CNGB3: variants seen among roughly 807,000 people sequenced by gnomAD.
CNGB3 encodes the protein cyclic nucleotide-gated channel beta-3.
Under a neutral mutation model 92.8 loss-of-function variants are expected in CNGB3, and 86 were observed. The observed-to-expected ratio is 0.93, with a 90% CI of 0.78 to 1.11. CNGB3 has a LOEUF of 1.11. Among genes scored for constraint, CNGB3 ranks in the 50% least tolerant of loss-of-function variants. The pLI, the probability that CNGB3 is intolerant of heterozygous loss-of-function variation, is 0.00. For synonymous variants in CNGB3, 333 were observed against 332.7 expected, an observed-to-expected ratio of 1.00 and a Z score of -0.01; for missense variants, 1,026 against 956.8, an observed-to-expected ratio of 1.07 and a Z score of -0.95.
At chr8:86,718,831 T>C (rs1044817685) in intron 3 of CNGB3, among the ~76,000 whole-genome samples, 1 of 152,052 alleles carries the variant, frequency 6.6e-6, no homozygotes, top group Non-Finnish European at 1.5e-5. Context: ...CATGATCAAA[T>C]GGGATTTATA....
intron 4 of CNGB3, among the ~76,000 whole-genome samples, chr8:86,669,743 T>A (rs1292153870): frequency 6.6e-6 from 1 of 152,236 alleles, no homozygotes; most frequent in Non-Finnish European, 1.5e-5. Context: ...TCAACTTGAT[T>A]TGCATTTATA....
At chr8:86,592,206 C>T (rs1003223084) in intron 15 of CNGB3, among the ~76,000 whole-genome samples, 33 of 152,286 alleles carry the variant, frequency 2.2e-4, no homozygotes, top group East Asian at 9.7e-4. Flanking sequence ...GGCTCACGCA[C>T]GGTGCGCGCA....
intron 15 of CNGB3, among the ~76,000 whole-genome samples, chr8:86,594,928 T>C (rs927784542): frequency 2.0e-5 from 3 of 152,096 alleles, no homozygotes; most frequent in African/African-American, 7.2e-5. Context: ...TTCACCATGT[T>C]GGCCAGGATG....
chr8:86,696,460 G>A (rs1824452322), intron 3 of CNGB3, among the ~76,000 whole-genome samples: 1 of 152,122 alleles, frequency 6.6e-6, no homozygotes, highest in South Asian at 2.1e-4. Flanking sequence ...CATCTGCAGT[G>A]ACAAGCCACT....
chr8:86,701,657 C>T (rs931209833), intron 3 of CNGB3, among the ~76,000 whole-genome samples: 2 of 152,152 alleles, frequency 1.3e-5, no homozygotes. Context: ...AAAGCCCGAA[C>T]AGTGCAATAA....
intron 6 of CNGB3, chr8:86,657,580 C>T (rs1281223724): frequency 1.9e-5 from 8 of 428,810 alleles, no homozygotes; most frequent in East Asian, 1.3e-4. Flanking sequence ...GGGCGAGGCT[C>T]ATCTTGCAAA....
intron 6 of CNGB3, among the ~76,000 whole-genome samples, chr8:86,662,932 G>C (rs1823672175): frequency 6.6e-6 from 1 of 152,126 alleles, no homozygotes; most frequent in Middle Eastern, 3.2e-3. Flanking sequence ...CCCATTTTGG[G>C]GGATGAAAAA....
At chr8:86,674,323 T>C (rs951253311) in intron 3 of CNGB3, among the ~76,000 whole-genome samples, 39 of 152,224 alleles carry the variant, frequency 2.6e-4, no homozygotes, top group African/African-American at 8.7e-4. Flanking sequence ...AATGCTGAAA[T>C]TCACATGAAA....
chr8:86,668,224 T>TA, intron 4 of CNGB3, 56 bp from the exon 5 acceptor site: 1 of 1,586,690 alleles, frequency 6.3e-7, no homozygotes, highest in South Asian at 1.1e-5. Flanking sequence ...TTAGTTTAGT[T>TA]AAAAACTTGA....
chr8:86,663,736 G>A (rs1823689185), intron 6 of CNGB3, among the ~76,000 whole-genome samples: 1 of 152,176 alleles, frequency 6.6e-6, no homozygotes, highest in Non-Finnish European at 1.5e-5. Flanking sequence ...ATGTAATCAA[G>A]TTTCAAAGGC....
intron 1 of CNGB3, among the ~76,000 whole-genome samples, chr8:86,741,959 C>T (rs996232391): frequency 1.3e-5 from 2 of 152,174 alleles, no homozygotes; most frequent in African/African-American, 4.8e-5. Flanking sequence ...TGATTTAGCT[C>T]TCAGGTGCTG....
At chr8:86,714,434 T>A (rs562363373) in intron 3 of CNGB3, among the ~76,000 whole-genome samples, 2 of 152,288 alleles carry the variant, frequency 1.3e-5, no homozygotes, top group East Asian at 3.9e-4. Context: ...CCCCAAATAA[T>A]GTTCTACATA....
intron 1 of CNGB3, among the ~76,000 whole-genome samples, chr8:86,741,371 A>C (rs1463064597): frequency 2.0e-5 from 3 of 152,202 alleles, no homozygotes; most frequent in Non-Finnish European, 4.4e-5. Flanking sequence ...ATGACTTTTA[A>C]GATATAATGT....
chr8:86,588,580 C>T (rs1384465766), intron 15 of CNGB3, among the ~76,000 whole-genome samples: 1 of 151,540 alleles, frequency 6.6e-6, no homozygotes, highest in African/African-American at 2.4e-5. Flanking sequence ...GCCTTTTCTG[C>T]ATCTATTGAG....
chr8:86,653,911 C>T, intron 7 of CNGB3, 101 bp downstream of exon 7: 1 of 832,082 alleles, frequency 1.2e-6, no homozygotes, highest in South Asian at 1.4e-5. Context: ...TCTAATAAAA[C>T]TTCGTATGTA....
intron 2 of CNGB3, among the ~76,000 whole-genome samples, chr8:86,730,625 G>A (rs1052857740): frequency 6.6e-6 from 1 of 152,190 alleles, no homozygotes; most frequent in African/African-American, 2.4e-5. Context: ...CCATCTAAAT[G>A]AACATTTGGA....
At chr8:86,695,477 T>C (rs1193964327) in intron 3 of CNGB3, among the ~76,000 whole-genome samples, 3 of 152,230 alleles carry the variant, frequency 2.0e-5, no homozygotes, top group African/African-American at 2.4e-5. Flanking sequence ...GTATTTTGCA[T>C]TTCTCTAAGT....
At chr8:86,738,820 G>A (rs991982960) in intron 2 of CNGB3, among the ~76,000 whole-genome samples, 176 of 134,128 alleles carry the variant, frequency 1.3e-3, no homozygotes, top group African/African-American at 4.8e-3. Flanking sequence ...CAGCCTGGGC[G>A]ACAGAGCGAG....
At chr8:86,615,839 C>T (rs1822609847) in intron 13 of CNGB3, among the ~76,000 whole-genome samples, 1 of 152,008 alleles carries the variant, frequency 6.6e-6, no homozygotes. Context: ...TCTTAGTGGC[C>T]ACCTTAGGGA....
Sources: gnomAD v4.1 joint callset for allele counts (sites outside exome capture counted in the v4.1 genomes callset) on GRCh38, gnomAD v4.1.1 for gene constraint, MANE v1.5 for transcripts, NCBI Gene and HGNC (gene_info 2026-07-23, HGNC 2026-07-21) for gene names.